Variants in CAMK4 observed in about 807,000 individuals in gnomAD.
The protein encoded by CAMK4 is calcium/calmodulin-dependent protein kinase type IV.
In CAMK4, 22 loss-of-function variants were observed where a neutral mutation model predicts 44.9. The ratio of observed to expected loss-of-function variants is 0.49; its 90% CI spans 0.35 to 0.70. The LOEUF is 0.70. CAMK4 is among the 30% of genes least tolerant of loss of function. The pLI is 0.01. For missense variants in CAMK4, 498 were observed against 586.8 expected (o/e 0.85, Z 1.56); for synonymous variants, 218 against 215.4 (o/e 1.01, Z -0.11).
At chr5:111,424,805 C>G (rs1753164907) in intron 5 of CAMK4, among the ~76,000 whole-genome samples, 2 of 152,000 alleles carry the variant, frequency 1.3e-5, no homozygotes, top group Non-Finnish European at 2.9e-5. Context: ...TCCACAGGCA[C>G]AACTCTTCCA....
At chr5:111,353,313 A>G (rs1015088585) in intron 2 of CAMK4, among the ~76,000 whole-genome samples, 1 of 152,084 alleles carries the variant, frequency 6.6e-6, no homozygotes, top group Non-Finnish European at 1.5e-5. Flanking sequence ...CCACCGAGAT[A>G]GTAAATACAG....
intron 1 of CAMK4, among the ~76,000 whole-genome samples, chr5:111,292,183 G>A (rs1393501732): frequency 6.6e-6 from 1 of 152,162 alleles, no homozygotes; most frequent in Admixed American, 6.5e-5. Context: ...AGGACAACGT[G>A]TCCTCATAAT....
intron 2 of CAMK4, among the ~76,000 whole-genome samples, chr5:111,354,614 CA>C (rs528036020): frequency 0.5 from 75,736 of 151,884 alleles, 19,041 homozygotes; most frequent in African/African-American, 0.54. Flanking sequence ...GAGGCTGAGG[CA>C]GGAGAATCAC....
chr5:111,432,302 A>G (rs1753476682), intron 5 of CAMK4, among the ~76,000 whole-genome samples: 1 of 152,110 alleles, frequency 6.6e-6, no homozygotes, highest in African/African-American at 2.4e-5. Context: ...TCTAAAAATC[A>G]AATCAATTGA....
chr5:111,273,691 A>ATATATATATGTT (rs1750619995), intron 1 of CAMK4, among the ~76,000 whole-genome samples: 2 of 50,168 alleles, frequency 4.0e-5, no homozygotes. Context: ...ATATATATAT[A>ATATATATATGTT]TATATATATA....
At chr5:111,372,761 C>T (rs888983793) in intron 2 of CAMK4, among the ~76,000 whole-genome samples, 1 of 152,170 alleles carries the variant, frequency 6.6e-6, no homozygotes, top group Non-Finnish European at 1.5e-5. Flanking sequence ...TGGAAGACTG[C>T]TGAAACAGCC....
chr5:111,317,205 G>A lies in CAMK4; in HGVS notation c.162-26819G>A, dbSNP rs1021994806. Reference sequence around the variant, plus strand: ...CTTTCTTCCCAGAAATTATAGGTCAGGCTAATGTAGGGACTGAAATGTGCT... The same window carrying A: ...CTTTCTTCCCAGAAATTATAGGTCAAGCTAATGTAGGGACTGAAATGTGCT... On this transcript the variant is annotated intron_variant, in intron 1 of 10. Transcript: ENST00000282356. Among the ~76,000 whole-genome samples the A allele has an allele frequency of 6.6e-5, 10 of 152,214 alleles. No individual in the cohort carries two copies. In the South Asian group the frequency reaches 2.1e-3, roughly 32 times the overall value.
At chr5:111,278,867 A>G (rs1750882964) in intron 1 of CAMK4, among the ~76,000 whole-genome samples, 1 of 152,232 alleles carries the variant, frequency 6.6e-6, no homozygotes, top group South Asian at 2.1e-4. Flanking sequence ...ATAAATATAT[A>G]GCGGATCTCT....
At chr5:111,325,065 G>A (rs187777110) in intron 1 of CAMK4, among the ~76,000 whole-genome samples, 4 of 151,294 alleles carry the variant, frequency 2.6e-5, no homozygotes, top group East Asian at 3.9e-4. Context: ...TGTTCTCATC[G>A]TTCAACTCCC....
chr5:111,443,279 T>TATATACAC (rs1401315422), intron 5 of CAMK4, among the ~76,000 whole-genome samples: 6 of 37,478 alleles, frequency 1.6e-4, no homozygotes, highest in Admixed American at 3.9e-4. Flanking sequence ...TATATATATA[T>TATATACAC]ACACACACAC....
intron 1 of CAMK4, among the ~76,000 whole-genome samples, chr5:111,267,428 C>A (rs1189653145): frequency 6.6e-6 from 1 of 152,064 alleles, no homozygotes; most frequent in African/African-American, 2.4e-5. Flanking sequence ...TAAGAATTTT[C>A]ATTCTGGGCC....
At chr5:111,263,667 A>C (rs1255147783) in intron 1 of CAMK4, among the ~76,000 whole-genome samples, 1 of 152,152 alleles carries the variant, frequency 6.6e-6, no homozygotes, top group African/African-American at 2.4e-5. Flanking sequence ...AACCAGTCCA[A>C]ATTGTTCTGA....
At position 111,344,045 on chromosome 5, in the gene CAMK4, C is replaced by A; in HGVS notation, c.183C>A (p.Tyr61Ter). Reference sequence around the variant, plus strand: ...CAAGGGGTGCTACATCCATTGTGTACAGATGCAAACAGAAGGGGACCCAGA... The same window carrying A: ...CAAGGGGTGCTACATCCATTGTGTAAAGATGCAAACAGAAGGGGACCCAGA... ...ELGRGATSIVYRCKQKGTQKP... is the reference protein window; with the variant it reads ...ELGRGATSIV The change falls in exon 2 of 11, where the codon TAC becomes TAA. Residue 61 changes from tyrosine to a stop codon, truncating the protein, a stop_gained. Coordinates refer to ENST00000282356, the MANE Select transcript of CAMK4 (RefSeq NM_001744.6). LOFTEE classifies it high-confidence loss of function. 6.2e-7 allele frequency: 1 copy of A among 1,604,708 alleles called. No individual in the cohort carries two copies. The highest frequency in any genetic ancestry group is 8.5e-7 in the Non-Finnish European group (1 of 1,172,500).
chr5:111,278,448 C>A (rs1460003388), intron 1 of CAMK4, among the ~76,000 whole-genome samples: 1 of 152,036 alleles, frequency 6.6e-6, no homozygotes, highest in African/African-American at 2.4e-5. Context: ...TTATAGAAAC[C>A]TTTATCTTAA....
intron 5 of CAMK4, among the ~76,000 whole-genome samples, chr5:111,438,150 A>G (rs1753709459): frequency 6.6e-6 from 1 of 152,168 alleles, no homozygotes; most frequent in African/African-American, 2.4e-5. Flanking sequence ...TTCAGGTGGA[A>G]GAAATTGGAA....
chr5:111,263,244 C>T (rs1750074007), intron 1 of CAMK4, among the ~76,000 whole-genome samples: 1 of 152,154 alleles, frequency 6.6e-6, no homozygotes, highest in Non-Finnish European at 1.5e-5. Flanking sequence ...TTCATAAATA[C>T]AGCTGGTGAT....
Position 111,224,651 on chromosome 5 carries a change from C to A in CAMK4, c.161+7C>A, listed in dbSNP as rs750566045. ...TGGAGTCGGAGCTGGGACGGTAAGG[C>A]GCGGGCTCCGGCTGGGGAAGCCCGC... On this transcript the variant is annotated splice_region_variant and intron_variant, in intron 1 of 10. Coordinates refer to ENST00000282356, the MANE Select transcript of CAMK4 (RefSeq NM_001744.6). The surrounding 1 kb of genome is among the most constrained non-coding windows in gnomAD (Gnocchi z 5.7). 2 of 1,600,588 alleles carry A rather than the reference C, an allele frequency of 1.2e-6. No individual in the cohort carries two copies. The highest frequency in any genetic ancestry group is 1.7e-6 in the Non-Finnish European group (2 of 1,174,204).
chr5:111,402,189 G>A (rs562493570), intron 5 of CAMK4, among the ~76,000 whole-genome samples: 4 of 152,316 alleles, frequency 2.6e-5, no homozygotes, highest in Admixed American at 6.5e-5. Flanking sequence ...ATGCCCTCTC[G>A]TGGCAGATCC....
chr5:111,439,279 A>AG (rs1753747231), intron 5 of CAMK4, among the ~76,000 whole-genome samples: 1 of 152,058 alleles, frequency 6.6e-6, no homozygotes, highest in African/African-American at 2.4e-5. Flanking sequence ...CAGGGACTGG[A>AG]GGAGGTTAAT....
Sources: gnomAD v4.1 joint callset for allele counts (sites outside exome capture counted in the v4.1 genomes callset) on GRCh38, gnomAD v4.1.1 for gene constraint, Gnocchi (gnomAD v3.1) non-coding constraint, MANE v1.5 for transcripts, NCBI Gene and HGNC (gene_info 2026-07-23, HGNC 2026-07-21) for gene names.